LRP3: variants seen among roughly 807,000 people sequenced by gnomAD.
LRP3 encodes the protein low-density lipoprotein receptor-related protein 3.
LRP3 carries 49 observed loss-of-function variants against 58.5 expected under a neutral mutation model. The ratio of observed to expected loss-of-function variants is 0.84; its 90% CI spans 0.67 to 1.06. LRP3 has a LOEUF of 1.06. LRP3 is among the 50% of genes least tolerant of loss of function. The probability of loss-of-function intolerance (pLI) is 0.00; values close to 1 mark genes in which losing one functional copy is unlikely to be tolerated. For missense variants in LRP3, 1,019 were observed against 1,134.2 expected, an observed-to-expected ratio of 0.90 and a Z score of 1.46; for synonymous variants, 485 against 492.2, an observed-to-expected ratio of 0.99 and a Z score of 0.20.
At position 33,206,743 on chromosome 19, in the gene LRP3, CGG is replaced by C. The variant is rs779879356; in HGVS notation, c.1725+11_1725+12del. 6.6e-7 allele frequency: 1 copy of C among 1,510,720 alleles called. No homozygotes were observed. The highest frequency in any genetic ancestry group is 2.3e-5 in the Admixed American group (1 of 43,598). 93.6% of individuals were successfully genotyped at this position (1,510,720 alleles called of 1,614,324 possible). On this transcript the variant is annotated intron_variant, in intron 6 of 6. Transcript: ENST00000253193. Reference sequence around the variant, plus strand: ...CTACAGTGCGTCCCAGGTGAGCCCCCGGAGGGCGTGAGGCCCCTCCGGGGCCA... The same window carrying C: ...CTACAGTGCGTCCCAGGTGAGCCCCCAGGGCGTGAGGCCCCTCCGGGGCCA...
At chr19:33,206,448 G>A (rs758843460) in intron 5 of LRP3, 86 bp downstream of exon 5, 2 of 1,594,202 alleles carry the variant, frequency 1.3e-6, no homozygotes, top group African/African-American at 1.3e-5. Flanking sequence ...GCAAACGGGG[G>A]CCTGGACTAG....
rs748046629 is a variant in LRP3 at position 33,202,840 on chromosome 19, C to T, written c.122-8C>T. ...GGGCCGGCCTTTCTCGGCCTCCTCT[C>T]CCGACAGCGGCCTGCAGTGGGAAGC... On this transcript the variant is annotated splice_polypyrimidine_tract_variant and splice_region_variant and intron_variant, in intron 2 of 6. Coordinates refer to ENST00000253193, the MANE Select transcript of LRP3 (RefSeq NM_002333.4). 6 of 1,604,604 alleles carry T rather than the reference C, an allele frequency of 3.7e-6. No individual in the cohort carries two copies. The South Asian group carries it at 6.7e-5, about 18-fold the overall frequency.
intron 2 of LRP3, among the ~76,000 whole-genome samples, chr19:33,201,381 C>A (rs1311962797): frequency 6.6e-6 from 1 of 151,866 alleles, no homozygotes; most frequent in Non-Finnish European, 1.5e-5. Flanking sequence ...GGCAAAGTCC[C>A]CTCCAATGTG....
At chr19:33,204,485 C>G in intron 3 of LRP3, 153 bp from the exon 4 acceptor site, 1 of 655,640 alleles carries the variant, frequency 1.5e-6, no homozygotes. Flanking sequence ...AGTGGAGGAA[C>G]CAGGCAGTCT....
chr19:33,204,420 A>G (rs56115924), intron 3 of LRP3: 7 of 581,108 alleles, frequency 1.2e-5, no homozygotes, highest in Non-Finnish European at 1.5e-5. Context: ...GCAATTCTTC[A>G]TGGAGCCTCC....
In LRP3 at chr19:33,205,901, C is replaced by T. The variant is rs750758283; in HGVS notation, c.1131C>T (p.Ser377=). The change falls in exon 5 of 7, where the codon AGC becomes AGT. Residue 377 remains serine, a synonymous_variant. Coordinates refer to ENST00000253193, the MANE Select transcript of LRP3 (RefSeq NM_002333.4). ...TCCCCTGGGAGCAGCCGTGCGGGAGCAGTAGTGACAGTGACGGGGGCAGCC... is the reference window on the plus strand; with the variant it reads ...TCCCCTGGGAGCAGCCGTGCGGGAGTAGTAGTGACAGTGACGGGGGCAGCC... The part of the protein sequence containing the change: ...YCLPWEQPCG[S]SSDSDGGSLG... 1.9e-6 allele frequency: 3 copies of T among 1,606,230 alleles called. No individual in the cohort carries two copies. In the Admixed American group the frequency reaches 5.0e-5, roughly 27 times the overall value.
chr19:33,198,059 C>G (rs938524849), intron 2 of LRP3, among the ~76,000 whole-genome samples: 4 of 152,120 alleles, frequency 2.6e-5, no homozygotes, highest in Admixed American at 2.6e-4. Context: ...GCTGACTGGC[C>G]CAGCCTGGGT....
At chr19:33,194,884 G>C (rs1328409709) in intron 1 of LRP3, 26 bp downstream of exon 1, 3 of 1,093,128 alleles carry the variant, frequency 2.7e-6, no homozygotes, top group Non-Finnish European at 3.4e-6. Context: ...GGGCCGGGCA[G>C]GTCCGGGTCC....
Position 33,208,823 on chromosome 19 carries a change from T to C in LRP3, c.*1248T>C. 6.2e-7 allele frequency: 1 copy of C among 1,606,194 alleles called. No individual in the cohort carries two copies. Among genetic ancestry groups the C allele is most frequent in the South Asian group, 1.1e-5 (1 of 89,456 alleles). ...CCAGAAAAAAACAAAACAAAACTTT[T>C]TTGCCAAAACACCTCCTCAATAAAC... On this transcript the variant is annotated 3_prime_UTR_variant, in exon 7 of 7. Coordinates refer to ENST00000253193, the MANE Select transcript of LRP3 (RefSeq NM_002333.4). The surrounding 1 kb of genome is among the most constrained non-coding windows in gnomAD (Gnocchi z 4.7).
Position 33,196,785 on chromosome 19 carries a change from A to G in LRP3, c.121+8A>G. Reference sequence around the variant, plus strand: ...GTGCGGTTCCTGCCTTAGGTAAGTAAGCACTTTCTCTCCTTCCTCCACTCC... The same window carrying G: ...GTGCGGTTCCTGCCTTAGGTAAGTAGGCACTTTCTCTCCTTCCTCCACTCC... On this transcript the variant is annotated splice_region_variant and intron_variant, in intron 2 of 6. Transcript: ENST00000253193. 1 of 1,613,866 alleles carries G rather than the reference A, an allele frequency of 6.2e-7. No individual in the cohort carries two copies. The highest frequency in any genetic ancestry group is 8.5e-7 in the Non-Finnish European group (1 of 1,179,762).
chr19:33,201,943 G>A (rs936927709), intron 2 of LRP3, among the ~76,000 whole-genome samples: 43 of 152,174 alleles, frequency 2.8e-4, no homozygotes, highest in African/African-American at 1.0e-3. Flanking sequence ...TTGAGCTGGC[G>A]GGCGTGATGC....
At position 33,204,878 on chromosome 19, in the gene LRP3, G is replaced by A. The variant is rs751007442; in HGVS notation, c.475+26G>A. 6.9e-6 allele frequency: 11 copies of A among 1,604,596 alleles called. No individual in the cohort carries two copies. In the South Asian group the frequency reaches 1.2e-4, roughly 18 times the overall value. ...GTGATGGAGGCTGCAGGGCAGGCAG[G>A]ACACCACGGAGCACACCGTGCATGC... On this transcript the variant is annotated intron_variant, in intron 4 of 6. Coordinates refer to ENST00000253193, the MANE Select transcript of LRP3 (RefSeq NM_002333.4).
At chr19:33,205,177 C>G in intron 4 of LRP3, 69 bp from the exon 5 acceptor site, 1 of 1,530,310 alleles carries the variant, frequency 6.5e-7, no homozygotes, top group East Asian at 2.4e-5. Flanking sequence ...GCTTTTGGCC[C>G]CAGGCCCCCT....
intron 2 of LRP3, among the ~76,000 whole-genome samples, chr19:33,198,808 G>C (rs886185580): frequency 6.6e-6 from 1 of 152,230 alleles, no homozygotes; most frequent in African/African-American, 2.4e-5. Flanking sequence ...CAGGCAGCTG[G>C]CAGCTTCCCC....
intron 2 of LRP3, among the ~76,000 whole-genome samples, chr19:33,198,862 C>T (rs530953311): frequency 2.6e-5 from 4 of 152,246 alleles, no homozygotes; most frequent in Non-Finnish European, 5.9e-5. Flanking sequence ...CGTCGGATTA[C>T]ACCAGGCAGG....
rs1974461480 is a variant in LRP3, at chr19:33,208,719, G to T, written c.*1144G>T. ...TTTCAGGAAGAGCTAGCAGGGCAGT[G>T]CTAAGACAGGAAACCCAGTCCACAT... On this transcript the variant is annotated 3_prime_UTR_variant, in exon 7 of 7. Coordinates refer to ENST00000253193, the MANE Select transcript of LRP3 (RefSeq NM_002333.4). The surrounding 1 kb of genome is among the most constrained non-coding windows in gnomAD (Gnocchi z 4.7). 1.2e-6 allele frequency: 1 copy of T among 816,824 alleles called. No individual in the cohort carries two copies. Among genetic ancestry groups the T allele is most frequent in the Non-Finnish European group, 2.0e-6 (1 of 511,178 alleles). 50.6% of individuals were successfully genotyped at this position (816,824 alleles called of 1,614,324 possible).
At chr19:33,202,357 G>C (rs977174319) in intron 2 of LRP3, among the ~76,000 whole-genome samples, 2 of 152,234 alleles carry the variant, frequency 1.3e-5, no homozygotes, top group Admixed American at 1.3e-4. Flanking sequence ...ACCTTACTCA[G>C]TGTGCCTACC....
In LRP3 at chr19:33,194,721, C is replaced by T. The variant is rs1371769191; in HGVS notation, c.-65C>T. On this transcript the variant is annotated 5_prime_UTR_variant, in exon 1 of 7. Coordinates refer to ENST00000253193, the MANE Select transcript of LRP3 (RefSeq NM_002333.4). Reference sequence around the variant, plus strand: ...CCGCAGCCAGAGCCAGAGCCGGAGCCGCAGCCGGAACCGGAGCCGGAGCCG... The same window carrying T: ...CCGCAGCCAGAGCCAGAGCCGGAGCTGCAGCCGGAACCGGAGCCGGAGCCG... The T allele has an allele frequency of 3.9e-6, 2 of 517,114 alleles. No individual in the cohort carries two copies. The highest frequency in any genetic ancestry group is 1.4e-4 in the East Asian group (1 of 7,028). The allele number at this position is 517,114 out of a possible 1,614,324, so 32.0% of individuals were successfully genotyped here. A position where few individuals can be genotyped will look rare whatever the true frequency, so the allele number is the denominator to read the frequency against.
At chr19:33,196,876 TC>T in intron 2 of LRP3, 99 bp downstream of exon 2, 1 of 1,085,522 alleles carries the variant, frequency 9.2e-7, no homozygotes. Context: ...TACCCCGAGT[TC>T]CTGTGTGCAT....
Sources: gnomAD v4.1 joint callset for allele counts (sites outside exome capture counted in the v4.1 genomes callset) on GRCh38, gnomAD v4.1.1 for gene constraint, Gnocchi (gnomAD v3.1) non-coding constraint, MANE v1.5 for transcripts, NCBI Gene and HGNC (gene_info 2026-07-23, HGNC 2026-07-21) for gene names.